MNAT1: variants seen among roughly 807,000 people sequenced by gnomAD.
The protein encoded by MNAT1 is MNAT1 component of CDK activating kinase, also known as CDK-activating kinase assembly factor MAT1.
A neutral mutation model predicts 42.0 loss-of-function variants in MNAT1; 43 were observed. That is an observed-to-expected ratio of 1.02 (90% CI 0.80 to 1.32). The LOEUF is 1.32. Among genes scored for constraint, MNAT1 ranks in the 40% most tolerant of loss-of-function variants. The probability of loss-of-function intolerance (pLI) is 0.00; values close to 1 mark genes in which losing one functional copy is unlikely to be tolerated. For missense variants in MNAT1, 306 were observed against 350.4 expected, an observed-to-expected ratio of 0.87 and a Z score of 1.01; for synonymous variants, 118 against 120.0, an observed-to-expected ratio of 0.98 and a Z score of 0.11.
chr14:60,856,866 A>G (rs759398086), intron 6 of MNAT1, among the ~76,000 whole-genome samples: 3 of 152,004 alleles, frequency 2.0e-5, no homozygotes, highest in Non-Finnish European at 2.9e-5. Flanking sequence ...ATTTTAGTAG[A>G]GATGGGGTTT....
chr14:60,816,557 C>G (rs1594774822), intron 5 of MNAT1, among the ~76,000 whole-genome samples: 1 of 152,112 alleles, frequency 6.6e-6, no homozygotes, highest in East Asian at 1.9e-4. Flanking sequence ...GTATTACAGG[C>G]AGTTCTTACT....
At chr14:60,797,973 A>T in intron 2 of MNAT1, 114 bp from the exon 3 acceptor site, 1 of 562,148 alleles carries the variant, frequency 1.8e-6, no homozygotes. Flanking sequence ...TTTACACAGT[A>T]AGCAATTCTT....
intron 7 of MNAT1, among the ~76,000 whole-genome samples, chr14:60,953,399 A>G (rs551610001): frequency 1.3e-5 from 2 of 152,284 alleles, no homozygotes; most frequent in East Asian, 1.9e-4. Flanking sequence ...AAAAGGGGAA[A>G]GATAGAAAGC....
intron 1 of MNAT1, chr14:60,780,317 A>G (rs1306244467): frequency 6.5e-7 from 1 of 1,532,372 alleles, no homozygotes; most frequent in Non-Finnish European, 9.0e-7. Context: ...AAAAGATGAC[A>G]GTGCACCCAG....
At chr14:60,803,933 A>G (rs1418045968) in intron 3 of MNAT1, among the ~76,000 whole-genome samples, 1 of 152,218 alleles carries the variant, frequency 6.6e-6, no homozygotes, top group Non-Finnish European at 1.5e-5. Flanking sequence ...TGTGGTTATG[A>G]CAATCTATAC....
chr14:60,861,239 A>C lies in MNAT1; in HGVS notation c.688-18475A>C, dbSNP rs377196502. On this transcript the variant is annotated intron_variant, in intron 6 of 7. Coordinates refer to ENST00000261245, the MANE Select transcript of MNAT1 (RefSeq NM_002431.4). ...TTTTTCCAAAAGATTGTATATTTCCAGAAAAAATGTTTTCTGTTTTAGTAA... is the reference window on the plus strand; with the variant it reads ...TTTTTCCAAAAGATTGTATATTTCCCGAAAAAATGTTTTCTGTTTTAGTAA... Among the ~76,000 whole-genome samples, 91 of 152,346 alleles carry C rather than the reference A, an allele frequency of 6.0e-4. No homozygotes were observed. The Middle Eastern group carries it at 0.01, about 17-fold the overall frequency.
intron 7 of MNAT1, among the ~76,000 whole-genome samples, chr14:60,951,425 CT>C (rs992667528): frequency 6.6e-6 from 1 of 151,424 alleles, no homozygotes; most frequent in Non-Finnish European, 1.5e-5. Flanking sequence ...TCACATTTTC[CT>C]TTTTTTGTCG....
At chr14:60,829,253 T>G (rs558460772) in intron 6 of MNAT1, among the ~76,000 whole-genome samples, 1 of 152,282 alleles carries the variant, frequency 6.6e-6, no homozygotes, top group Admixed American at 6.5e-5. Flanking sequence ...ACAAACGTTT[T>G]AGGAGATGAG....
At chr14:60,902,026 T>A (rs904311565) in intron 7 of MNAT1, among the ~76,000 whole-genome samples, 12 of 152,336 alleles carry the variant, frequency 7.9e-5, no homozygotes, top group African/African-American at 2.2e-4. Context: ...CAGAGAAATC[T>A]TTTGTGAAAG....
chr14:60,796,245 G>C lies in MNAT1; in HGVS notation c.118G>C (p.Val40Leu), dbSNP rs79519204. The change falls in exon 2 of 8, where the codon GTG (valine) becomes CTG (leucine). Residue 40 changes from valine to leucine, a missense_variant. Around this residue, in one of 3 missense-constraint regions of MNAT1, gnomAD observed 72 missense variants for 111.0 expected, o/e 0.65. Transcript: ENST00000261245. ...TGAAAGTTGTGTAGATTTACTGTTT[G>C]TGAGAGGAGCTGGAAACTGCCCTGA... ...LCESCVDLLF[V>L]RGAGNCPECG... 1 of 1,612,424 alleles carries C rather than the reference G, an allele frequency of 6.2e-7. No homozygotes were observed. The highest frequency in any genetic ancestry group is 8.5e-7 in the Non-Finnish European group (1 of 1,179,368).
chr14:60,912,737 TTC>T (rs981392318), intron 7 of MNAT1, among the ~76,000 whole-genome samples: 53 of 152,298 alleles, frequency 3.5e-4, no homozygotes, highest in African/African-American at 1.1e-3. Context: ...AACCTGACCT[TTC>T]TCTCTGGCTG....
intron 6 of MNAT1, among the ~76,000 whole-genome samples, chr14:60,856,046 C>G (rs777462199): frequency 1.1e-4 from 16 of 152,102 alleles, no homozygotes; most frequent in African/African-American, 2.2e-4. Context: ...AGAGAACAGT[C>G]ACATATGTCT....
At chr14:60,747,891 T>G (rs2029900148) in intron 1 of MNAT1, among the ~76,000 whole-genome samples, 1 of 152,178 alleles carries the variant, frequency 6.6e-6, no homozygotes, top group South Asian at 2.1e-4. Flanking sequence ...GACTTAAGCT[T>G]TTTTTCTATT....
At chr14:60,884,773 C>G (rs537545212) in intron 7 of MNAT1, among the ~76,000 whole-genome samples, 1 of 152,108 alleles carries the variant, frequency 6.6e-6, no homozygotes, top group South Asian at 2.1e-4. Context: ...TTTCTGTGTA[C>G]TTACCATTAC....
At chr14:60,923,299 A>G (rs576752311) in intron 7 of MNAT1, among the ~76,000 whole-genome samples, 5 of 152,310 alleles carry the variant, frequency 3.3e-5, no homozygotes, top group Non-Finnish European at 5.9e-5. Flanking sequence ...TTCATTTCCA[A>G]CAAGTTCCTA....
At chr14:60,912,650 C>T (rs945862028) in intron 7 of MNAT1, among the ~76,000 whole-genome samples, 1 of 152,134 alleles carries the variant, frequency 6.6e-6, no homozygotes, top group African/African-American at 2.4e-5. Context: ...AATATTGGCC[C>T]CCACTGTCTT....
intron 7 of MNAT1, among the ~76,000 whole-genome samples, chr14:60,892,975 T>A (rs943002935): frequency 1.3e-5 from 2 of 152,138 alleles, no homozygotes; most frequent in African/African-American, 4.8e-5. Context: ...TTTCTTAAAT[T>A]ATGTAGAAAA....
At chr14:60,817,773 C>T (rs1169608688) in intron 5 of MNAT1, among the ~76,000 whole-genome samples, 1 of 151,920 alleles carries the variant, frequency 6.6e-6, no homozygotes, top group Non-Finnish European at 1.5e-5. Flanking sequence ...CATCTATAGC[C>T]TCTTTGAACA....
At chr14:60,830,969 C>G (rs568789586) in intron 6 of MNAT1, among the ~76,000 whole-genome samples, 17 of 152,122 alleles carry the variant, frequency 1.1e-4, no homozygotes, top group African/African-American at 3.4e-4. Context: ...TCTGTCAGTG[C>G]CGTGCCTCCT....
Sources: allele counts gnomAD v4.1 joint callset (sites outside exome capture counted in the v4.1 genomes callset), GRCh38; gene constraint gnomAD v4.1.1; regional missense constraint gnomAD v4.1.1; transcripts MANE v1.5; gene names NCBI Gene and HGNC (gene_info 2026-07-23, HGNC 2026-07-21).